Variants in EFR3B observed in about 807,000 individuals in gnomAD.
EFR3B encodes the protein protein EFR3 homolog B.
In EFR3B, 64 loss-of-function variants were observed where a neutral mutation model predicts 104.7. That is an observed-to-expected ratio of 0.61 (90% confidence interval 0.50 to 0.75). The LOEUF (loss-of-function observed/expected upper bound fraction) is 0.75, where lower values mean the gene tolerates loss of function less well. Ranked by LOEUF, EFR3B falls within the 30% of genes least tolerant of loss-of-function variation. The pLI, the probability that EFR3B is intolerant of heterozygous loss-of-function variation, is 0.00. For synonymous variants in EFR3B, 385 were observed against 417.9 expected (o/e 0.92, Z 0.96); for missense variants, 750 against 1,078.5 (o/e 0.70, Z 4.27).
At position 25,130,510 on chromosome 2, in the gene EFR3B, C is replaced by T. The variant is rs745641106; in HGVS notation, c.771-42C>T. On this transcript the variant is annotated intron_variant, in intron 7 of 22. Transcript: ENST00000403714. This position sits in a 1 kb window ranked among gnomAD's most constrained non-coding sequence, Gnocchi z 4.6. The stretch of plus-strand genomic sequence containing the variant: ...GCTAATCTCTTCTCCCTAACACTGC[C>T]GGGAGTTTCATAGTTGTTCCCCCAC... 9.5e-6 allele frequency: 14 copies of T among 1,480,692 alleles called. No homozygotes were observed. The highest frequency in any genetic ancestry group is 7.4e-5 in the East Asian group (3 of 40,552). The allele number at this position is 1,480,692 out of a possible 1,614,324, so 91.7% of individuals were successfully genotyped here.
At position 25,074,067 on chromosome 2, in the gene EFR3B, TG is replaced by T. The variant is rs547184513; in HGVS notation, c.8-17251del. Among the ~76,000 whole-genome samples the T allele has an allele frequency of 9.2e-5, 14 of 152,120 alleles. No individual in the cohort carries two copies. The South Asian group carries it at 2.7e-3, about 29-fold the overall frequency. On this transcript the variant is annotated intron_variant, in intron 1 of 22. Transcript: ENST00000403714. ...TATAGCCAGGTAGCTCTTGGCACAG[TG>T]GGGGGGACTCATAATGGATACTCAA...
At chr2:25,101,764 C>T (rs1365066181) in intron 3 of EFR3B, among the ~76,000 whole-genome samples, 1 of 152,142 alleles carries the variant, frequency 6.6e-6, no homozygotes, top group Non-Finnish European at 1.5e-5. Flanking sequence ...TTCTGAATTT[C>T]TAGGGAAAGG....
intron 1 of EFR3B, among the ~76,000 whole-genome samples, chr2:25,082,080 T>C (rs1356005795): frequency 6.6e-6 from 1 of 152,118 alleles, no homozygotes; most frequent in Non-Finnish European, 1.5e-5. Flanking sequence ...GTGGCCCAGG[T>C]GAGGGGTCCT....
At chr2:25,080,311 T>TTTTTTG (rs1668763108) in intron 1 of EFR3B, 2 of 735,988 alleles carry the variant, frequency 2.7e-6, no homozygotes, top group East Asian at 3.3e-5. Context: ...TTTTTTTTTT[T>TTTTTTG]GAGATGGAGT....
At chr2:25,134,626 C>T (rs1187358702) in intron 12 of EFR3B, among the ~76,000 whole-genome samples, 2 of 152,136 alleles carry the variant, frequency 1.3e-5, no homozygotes, top group East Asian at 1.9e-4. Context: ...CCGACCCCGC[C>T]GCCACCTCAC....
chr2:25,109,020 AAAATT>A (rs901490276), intron 4 of EFR3B, among the ~76,000 whole-genome samples: 5 of 152,154 alleles, frequency 3.3e-5, no homozygotes, highest in African/African-American at 7.2e-5. Flanking sequence ...AATAAAAAAT[AAAATT>A]AAATTAAAAT....
Position 25,137,313 on chromosome 2 carries a change from C to A in EFR3B, c.1561-28C>A. On this transcript the variant is annotated intron_variant, in intron 14 of 22. Transcript: ENST00000403714. This position sits in a 1 kb window ranked among gnomAD's most constrained non-coding sequence, Gnocchi z 4.7. The stretch of plus-strand genomic sequence containing the variant: ...CCCTCCTGTCCCCATCCCTCCGACC[C>A]TGGCCTTCTGCCCGCTCCTGTCCCC... The A allele has an allele frequency of 1.3e-6, 2 of 1,551,606 alleles. No homozygotes were observed. Among genetic ancestry groups the A allele is most frequent in the Non-Finnish European group, 8.7e-7 (1 of 1,146,724 alleles).
chr2:25,074,248 C>T (rs1317743627), intron 1 of EFR3B, among the ~76,000 whole-genome samples: 2 of 152,190 alleles, frequency 1.3e-5, no homozygotes, highest in Non-Finnish European at 2.9e-5. Context: ...CAGAATCCTC[C>T]ACCAGTTACC....
chr2:25,155,016 T>G lies in EFR3B; in HGVS notation c.*676T>G, dbSNP rs1003735325. The G allele has an allele frequency of 2.6e-5, 4 of 152,160 alleles. No homozygotes were observed. Among genetic ancestry groups the G allele is most frequent in the African/African-American group, 7.3e-5 (3 of 41,350 alleles). The allele number at this position is 152,160 out of a possible 1,614,324, so 9.4% of individuals were successfully genotyped here. A position where few individuals can be genotyped will look rare whatever the true frequency, so the allele number is the denominator to read the frequency against. On this transcript the variant is annotated 3_prime_UTR_variant, in exon 23 of 23. Transcript: ENST00000403714. ...GGCATCAGCAGGCCCAGCGGGCGAG[T>G]GTGGTCCCTGCAGCAGCTTCCCACC...
At position 25,047,221 on chromosome 2, in the gene EFR3B, G is replaced by T. The variant is rs1048490488; in HGVS notation, c.7+4902G>T. ...CCTTCTATCTATGACATCAATTACC[G>T]CTCTGGTTTTGTGTTCACCTCCTTC... On this transcript the variant is annotated intron_variant, in intron 1 of 22. Coordinates refer to ENST00000403714, the MANE Select transcript of EFR3B (RefSeq NM_014971.2). 4.6e-5 allele frequency among the ~76,000 whole-genome samples: 7 copies of T among 152,098 alleles called. No individual in the cohort carries two copies. The East Asian group carries it at 1.4e-3, about 29-fold the overall frequency.
At position 25,156,391 on chromosome 2, in the gene EFR3B, G is replaced by C. The variant is rs1471887453; in HGVS notation, c.*2051G>C. 5 of 142,282 alleles carry C rather than the reference G, an allele frequency of 3.5e-5. No homozygotes were observed. Among genetic ancestry groups the C allele is most frequent in the African/African-American group, 1.3e-4 (5 of 37,068 alleles). The allele number at this position is 142,282 out of a possible 1,614,324, so 8.8% of individuals were successfully genotyped here. On this transcript the variant is annotated 3_prime_UTR_variant, in exon 23 of 23. Transcript: ENST00000403714. ...CAACTCACTGTGACTTCCGCCTCCT[G>C]GGTTCAAGTGATTCTCCTGCCTCAG...
intron 16 of EFR3B, among the ~76,000 whole-genome samples, chr2:25,139,584 C>T (rs771546473): frequency 1.2e-4 from 18 of 152,088 alleles, no homozygotes; most frequent in Non-Finnish European, 1.9e-4. Context: ...GCAAAAGTGA[C>T]CTCAGATCAT....
chr2:25,144,044 C>G (rs572731002), intron 18 of EFR3B, among the ~76,000 whole-genome samples, 182 bp downstream of exon 18: 1 of 152,312 alleles, frequency 6.6e-6, no homozygotes, highest in East Asian at 1.9e-4. Context: ...CTCTCCTCCT[C>G]AGGACAGGGT....
intron 1 of EFR3B, among the ~76,000 whole-genome samples, chr2:25,086,054 T>G (rs1158389782): frequency 6.6e-6 from 1 of 152,120 alleles, no homozygotes; most frequent in African/African-American, 2.4e-5. Flanking sequence ...TTCTTTCCCT[T>G]AGTAATATAC....
chr2:25,143,922 G>C, intron 18 of EFR3B, 60 bp downstream of exon 18: 1 of 1,530,976 alleles, frequency 6.5e-7, no homozygotes, highest in Non-Finnish European at 8.8e-7. Context: ...CCAGGTAAGG[G>C]CCTGAGCATA....
intron 1 of EFR3B, among the ~76,000 whole-genome samples, chr2:25,063,564 T>G (rs1339187897): frequency 6.6e-6 from 1 of 151,960 alleles, no homozygotes; most frequent in African/African-American, 2.4e-5. Flanking sequence ...TTGGAAGTGT[T>G]ACTTAACTGC....
At chr2:25,116,994 C>T (rs185390222) in intron 4 of EFR3B, among the ~76,000 whole-genome samples, 6 of 152,270 alleles carry the variant, frequency 3.9e-5, no homozygotes, top group African/African-American at 7.2e-5. Context: ...TGAGGACAGA[C>T]GCTGGCCGTG....
intron 3 of EFR3B, among the ~76,000 whole-genome samples, chr2:25,094,282 C>CAAAAAAAAAAAAA (rs11455802): frequency 4.7e-4 from 43 of 91,480 alleles, no homozygotes; most frequent in African/African-American, 1.6e-3. Flanking sequence ...GAGACTGTCT[C>CAAAAAAAAAAAAA]AAAAAAAAAA....
intron 11 of EFR3B, 138 bp downstream of exon 11, chr2:25,133,152 A>C (rs888669035): frequency 1.1e-6 from 1 of 921,588 alleles, no homozygotes; most frequent in East Asian, 2.7e-5. Flanking sequence ...GCAGCCTTTA[A>C]TGGGGCTCTT....
Sources: allele counts gnomAD v4.1 joint callset (sites outside exome capture counted in the v4.1 genomes callset), GRCh38; gene constraint gnomAD v4.1.1; non-coding constraint Gnocchi (gnomAD v3.1); transcripts MANE v1.5; gene names NCBI Gene and HGNC (gene_info 2026-07-23, HGNC 2026-07-21).